The following SLIT2 variants were observed in gnomAD, a reference collection of about 807,000 sequenced individuals.
SLIT2 encodes slit homolog 2 protein.
Under a neutral mutation model 185.7 loss-of-function variants are expected in SLIT2, and 41 were observed. The observed-to-expected ratio is 0.22, with a 90% CI of 0.17 to 0.29. The LOEUF is 0.29. Among genes scored for constraint, SLIT2 ranks in the 10% least tolerant of loss-of-function variants. The probability of loss-of-function intolerance (pLI) is 1.00; values close to 1 mark genes in which losing one functional copy is unlikely to be tolerated. For synonymous variants in SLIT2, 693 were observed against 680.2 expected (o/e 1.02, Z -0.29); for missense variants, 1,571 against 1,909.0 (o/e 0.82, Z 3.30).
chr4:20,499,590 C>T (rs1164760036), intron 9 of SLIT2, among the ~76,000 whole-genome samples: 1 of 151,994 alleles, frequency 6.6e-6, no homozygotes, highest in African/African-American at 2.4e-5. Context: ...CCTGGGTTCA[C>T]GCCATTCTCC....
At chr4:20,522,823 A>G (rs769573978) in intron 12 of SLIT2, among the ~76,000 whole-genome samples, 2 of 152,130 alleles carry the variant, frequency 1.3e-5, no homozygotes, top group African/African-American at 2.4e-5. Flanking sequence ...ATATTTATTG[A>G]GCTCCCAGTA....
chr4:20,266,107 AT>A (rs1671354817), intron 3 of SLIT2, among the ~76,000 whole-genome samples: 1 of 151,826 alleles, frequency 6.6e-6, no homozygotes, highest in South Asian at 2.1e-4. Context: ...TACACAGTGA[AT>A]TAGAACACAT....
intron 4 of SLIT2, among the ~76,000 whole-genome samples, chr4:20,440,192 ATAGT>A (rs1212048559): frequency 2.0e-5 from 3 of 152,220 alleles, no homozygotes; most frequent in African/African-American, 7.2e-5. Context: ...TTGAAGAAAC[ATAGT>A]TAGGGGAAAT....
At chr4:20,375,377 A>G (rs371446384) in intron 4 of SLIT2, among the ~76,000 whole-genome samples, 5 of 152,096 alleles carry the variant, frequency 3.3e-5, no homozygotes, top group Non-Finnish European at 5.9e-5. Flanking sequence ...AGCAAGGAAT[A>G]TGTACACCTG....
chr4:20,518,229 ATGTG>A (rs1422869882), intron 11 of SLIT2, among the ~76,000 whole-genome samples: 1 of 118,462 alleles, frequency 8.4e-6, no homozygotes, highest in African/African-American at 3.2e-5. Flanking sequence ...ATACATATAT[ATGTG>A]TGTGTGTATA....
chr4:20,471,184 T>A (rs1714965703), intron 5 of SLIT2, among the ~76,000 whole-genome samples: 1 of 152,136 alleles, frequency 6.6e-6, no homozygotes, highest in African/African-American at 2.4e-5. Context: ...ATTATAAAAA[T>A]TTTACATTAA....
intron 14 of SLIT2, among the ~76,000 whole-genome samples, chr4:20,524,389 T>C (rs972340187): frequency 1.3e-5 from 2 of 152,184 alleles, no homozygotes; most frequent in South Asian, 2.1e-4. Flanking sequence ...GCAGAAGAAA[T>C]AGGCAATTGA....
chr4:20,254,843 C>A lies in SLIT2; in HGVS notation c.179+849C>A. On this transcript the variant is annotated intron_variant, in intron 1 of 36. Coordinates refer to ENST00000504154, the MANE Select transcript of SLIT2 (RefSeq NM_004787.4). This position sits in a 1 kb window ranked among gnomAD's most constrained non-coding sequence, Gnocchi z 5.1. The stretch of plus-strand genomic sequence containing the variant: ...ATCCACCTTTCTGGCAGTTTCTGCG[C>A]CCCTTCACGTGGCAGCAGTTCCCCT... 1 of 440,858 alleles carries A rather than the reference C, an allele frequency of 2.3e-6. No individual in the cohort carries two copies. Among genetic ancestry groups the A allele is most frequent in the Non-Finnish European group, 4.6e-6 (1 of 219,038 alleles). 27.3% of individuals were successfully genotyped at this position (440,858 alleles called of 1,614,324 possible).
chr4:20,408,704 T>G (rs1257519027), intron 4 of SLIT2, among the ~76,000 whole-genome samples: 1 of 152,150 alleles, frequency 6.6e-6, no homozygotes, highest in Admixed American at 6.6e-5. Context: ...TAATAGTCCT[T>G]GAGTAAATGA....
chr4:20,402,713 A>G (rs1726456559), intron 4 of SLIT2, among the ~76,000 whole-genome samples: 1 of 151,876 alleles, frequency 6.6e-6, no homozygotes, highest in Non-Finnish European at 1.5e-5. Flanking sequence ...TGCCTCGAGT[A>G]TTTAAATGTG....
chr4:20,296,617 C>T (rs1024246034), intron 4 of SLIT2, among the ~76,000 whole-genome samples: 2 of 152,230 alleles, frequency 1.3e-5, no homozygotes, highest in South Asian at 2.1e-4. Context: ...AACCACCTTC[C>T]AATTTTTATT....
rs569113865 is a variant in SLIT2 at position 20,350,918 on chromosome 4, T to A, written c.395+82037T>A. 1.1e-3 allele frequency among the ~76,000 whole-genome samples: 171 copies of A among 152,322 alleles called. 1 individual carries two copies. The highest frequency in any genetic ancestry group is 3.8e-3 in the African/African-American group (158 of 41,576). ...TATTCTTTCTATTAAATTATCTTTT[T>A]AATAACTTTTAATACTGCAAACAAA... On this transcript the variant is annotated intron_variant, in intron 4 of 36. Coordinates refer to ENST00000504154, the MANE Select transcript of SLIT2 (RefSeq NM_004787.4).
At chr4:20,291,455 T>C (rs1298975239) in intron 4 of SLIT2, among the ~76,000 whole-genome samples, 2 of 33,388 alleles carry the variant, frequency 6.0e-5, no homozygotes, top group Non-Finnish European at 1.1e-4. Flanking sequence ...CTCATATATA[T>C]ATATATATAT....
intron 4 of SLIT2, among the ~76,000 whole-genome samples, chr4:20,372,852 A>AT (rs1367864074): frequency 2.6e-5 from 4 of 151,978 alleles, no homozygotes; most frequent in African/African-American, 4.8e-5. Context: ...TTTACACACC[A>AT]TTTTTTGTTG....
chr4:20,475,354 G>T (rs1275021765), intron 5 of SLIT2, among the ~76,000 whole-genome samples: 2 of 147,092 alleles, frequency 1.4e-5, no homozygotes, highest in Non-Finnish European at 3.0e-5. Flanking sequence ...GACTACATCA[G>T]CCTAGAGTAA....
At chr4:20,397,457 A>G (rs73238791) in intron 4 of SLIT2, among the ~76,000 whole-genome samples, 11,040 of 151,766 alleles carry the variant, frequency 0.073, 552 homozygotes, top group Non-Finnish European at 0.11. Context: ...ATTATCTACT[A>G]GTTTGTTCTG....
intron 4 of SLIT2, among the ~76,000 whole-genome samples, chr4:20,465,632 A>G (rs537601783): frequency 6.6e-6 from 1 of 152,306 alleles, no homozygotes; most frequent in African/African-American, 2.4e-5. Flanking sequence ...AAAAATTTCT[A>G]TTATCAGGAT....
At chr4:20,393,079 T>A (rs748823736) in intron 4 of SLIT2, among the ~76,000 whole-genome samples, 2 of 152,054 alleles carry the variant, frequency 1.3e-5, no homozygotes, top group Non-Finnish European at 2.9e-5. Context: ...AAGTAACGCA[T>A]TACACTAAGA....
chr4:20,469,019 C>A (rs937467114), intron 5 of SLIT2, among the ~76,000 whole-genome samples: 3 of 152,090 alleles, frequency 2.0e-5, no homozygotes, highest in Non-Finnish European at 4.4e-5. Flanking sequence ...CTACAGGCTT[C>A]TAAGGTATAA....
Sources: allele counts gnomAD v4.1 joint callset (sites outside exome capture counted in the v4.1 genomes callset), GRCh38; gene constraint gnomAD v4.1.1; non-coding constraint Gnocchi (gnomAD v3.1); transcripts MANE v1.5; gene names NCBI Gene and HGNC (gene_info 2026-07-23, HGNC 2026-07-21).